Variants in LEPR observed in about 807,000 individuals in gnomAD.
LEPR encodes OB receptor.
In LEPR, 56 loss-of-function variants were observed where a neutral mutation model predicts 114.7. That is an observed-to-expected ratio of 0.49 (90% CI 0.39 to 0.61). The LOEUF (loss-of-function observed/expected upper bound fraction) is 0.61, where lower values mean the gene tolerates loss of function less well. LEPR is among the 20% of genes least tolerant of loss of function. LEPR has a pLI of 0.00. For missense variants in LEPR, 1,202 were observed against 1,352.9 expected (o/e 0.89, Z 1.75); for synonymous variants, 443 against 461.4 (o/e 0.96, Z 0.51).
At chr1:65,605,331 C>CATT in intron 11 of LEPR, 94 bp downstream of exon 11, 1 of 1,503,690 alleles carries the variant, frequency 6.7e-7, no homozygotes, top group Non-Finnish European at 9.2e-7. Context: ...TTTCTGATCA[C>CATT]ATTAGATTTT....
At chr1:65,569,991 C>T (rs758069294) in intron 3 of LEPR, among the ~76,000 whole-genome samples, 6 of 151,902 alleles carry the variant, frequency 3.9e-5, no homozygotes, top group Non-Finnish European at 7.4e-5. Context: ...AAGTGCTCAG[C>T]GAAAGCAGTG....
At chr1:65,426,854 T>C (rs1252021034) in intron 2 of LEPR, among the ~76,000 whole-genome samples, 2 of 152,168 alleles carry the variant, frequency 1.3e-5, no homozygotes, top group East Asian at 3.9e-4. Context: ...AAAAATTAGC[T>C]GGGCGTGGTG....
chr1:65,592,276 G>A (rs1215443382), intron 5 of LEPR, among the ~76,000 whole-genome samples: 1 of 133,062 alleles, frequency 7.5e-6, no homozygotes, highest in African/African-American at 2.7e-5. Flanking sequence ...TTGCCTGATG[G>A]ATTGCCTTTA....
chr1:65,556,254 G>A (rs1652808291), intron 2 of LEPR, among the ~76,000 whole-genome samples: 1 of 152,072 alleles, frequency 6.6e-6, no homozygotes, highest in South Asian at 2.1e-4. Flanking sequence ...CCAGAATTGT[G>A]AGCAATACAT....
chr1:65,626,084 C>T (rs756033449), intron 19 of LEPR: 12 of 1,590,092 alleles, frequency 7.5e-6, no homozygotes, highest in Non-Finnish European at 8.6e-7. Flanking sequence ...CAGCAAAATG[C>T]AGTTTAAACC....
intron 2 of LEPR, among the ~76,000 whole-genome samples, chr1:65,512,779 G>A (rs1389461333): frequency 6.6e-6 from 1 of 152,162 alleles, no homozygotes; most frequent in Non-Finnish European, 1.5e-5. Context: ...AGAAATGGGA[G>A]CCTGAATTCA....
chr1:65,450,806 T>G (rs1460069759), intron 2 of LEPR, among the ~76,000 whole-genome samples: 6 of 152,048 alleles, frequency 3.9e-5, no homozygotes, highest in Middle Eastern at 3.4e-3. Context: ...ATGGGATGGC[T>G]GGGTCAAATG....
intron 2 of LEPR, among the ~76,000 whole-genome samples, chr1:65,493,521 A>G (rs553981488): frequency 6.6e-6 from 1 of 151,970 alleles, no homozygotes; most frequent in Non-Finnish European, 1.5e-5. Context: ...CTTTATAGAT[A>G]TTTTTTTCAT....
intron 2 of LEPR, among the ~76,000 whole-genome samples, chr1:65,557,442 CAG>C (rs913401761): frequency 6.6e-6 from 1 of 152,098 alleles, no homozygotes; most frequent in African/African-American, 2.4e-5. Flanking sequence ...TTTATTTAGA[CAG>C]AGTCTCACTT....
Position 65,610,257 on chromosome 1 carries a change from T to C in LEPR, c.1956T>C (p.Asp652=), listed in dbSNP as rs1164204099. ...GPEFWRIING[D]TMKKEKNVTL... is the part of the protein sequence containing the mutation. ...AATTTTGGAGAATAATTAATGGAGA[T>C]ACTATGAAAAAGGAGAAAAATGTCA... Residue 652 remains aspartate, a synonymous_variant, in exon 14 of 20, where the codon GAT becomes GAC. Coordinates refer to ENST00000349533, the MANE Select transcript of LEPR (RefSeq NM_002303.6). 3 of 1,613,692 alleles carry C rather than the reference T, an allele frequency of 1.9e-6. No individual in the cohort carries two copies. The highest frequency in any genetic ancestry group is 2.2e-5 in the East Asian group (1 of 44,876).
chr1:65,592,258 T>A (rs1655747746), intron 5 of LEPR, among the ~76,000 whole-genome samples: 1 of 151,540 alleles, frequency 6.6e-6, no homozygotes, highest in African/African-American at 2.4e-5. Flanking sequence ...ATTTTTTTTT[T>A]TTTTTTTTTG....
intron 2 of LEPR, among the ~76,000 whole-genome samples, chr1:65,527,931 G>A (rs1650087975): frequency 6.6e-6 from 1 of 152,098 alleles, no homozygotes. Flanking sequence ...GAAACTGGAT[G>A]GATCCAACAG....
chr1:65,548,307 G>A (rs373120991), intron 2 of LEPR, among the ~76,000 whole-genome samples: 8 of 152,276 alleles, frequency 5.3e-5, no homozygotes, highest in Admixed American at 1.3e-4. Context: ...GGAGAGTTCT[G>A]TAGATGTCTA....
intron 17 of LEPR, among the ~76,000 whole-genome samples, chr1:65,620,872 C>A (rs1657838514): frequency 6.6e-6 from 1 of 152,168 alleles, no homozygotes; most frequent in Non-Finnish European, 1.5e-5. Context: ...GAAGACATAA[C>A]TGTACAAATA....
chr1:65,634,228 A>T (rs541224627), intron 19 of LEPR: 1 of 959,260 alleles, frequency 1.0e-6, no homozygotes, highest in Middle Eastern at 5.4e-4. Context: ...GTATATATGT[A>T]TATATGGATC....
chr1:65,507,782 G>A (rs1648832629), intron 2 of LEPR, among the ~76,000 whole-genome samples: 1 of 151,978 alleles, frequency 6.6e-6, no homozygotes, highest in Admixed American at 6.6e-5. Context: ...TTTCAAAATT[G>A]TTTTCAAAAT....
intron 3 of LEPR, among the ~76,000 whole-genome samples, chr1:65,565,844 C>G (rs1251782843): frequency 2.7e-5 from 2 of 75,074 alleles, no homozygotes; most frequent in Non-Finnish European, 6.2e-5. Context: ...CTCTCTCTCT[C>G]TCACACACAC....
Position 65,638,860 on chromosome 1 carries a change from T to G in LEPR, c.*1845T>G, listed in dbSNP as rs1658794337. ...CTATGCAAAGATAAATGGAGAAGCG[T>G]TTTTTTCATGGATAATTTTACATGG... On this transcript the variant is annotated 3_prime_UTR_variant, in exon 20 of 20. Coordinates refer to ENST00000349533, the MANE Select transcript of LEPR (RefSeq NM_002303.6). The G allele has an allele frequency of 6.6e-6, 1 of 152,136 alleles. No homozygotes were observed. Among genetic ancestry groups the G allele is most frequent in the African/African-American group, 2.4e-5 (1 of 41,422 alleles). The allele number at this position is 152,136 out of a possible 1,614,324, so 9.4% of individuals were successfully genotyped here. A position where few individuals can be genotyped will look rare whatever the true frequency, so the allele number is the denominator to read the frequency against.
At chr1:65,459,043 A>G (rs573956379) in intron 2 of LEPR, among the ~76,000 whole-genome samples, 1 of 152,354 alleles carries the variant, frequency 6.6e-6, no homozygotes, top group South Asian at 2.1e-4. Context: ...TGATGTAAAT[A>G]CACCTTTAGT....
Sources: gnomAD v4.1 joint callset for allele counts (sites outside exome capture counted in the v4.1 genomes callset) on GRCh38, gnomAD v4.1.1 for gene constraint, MANE v1.5 for transcripts, NCBI Gene and HGNC (gene_info 2026-07-23, HGNC 2026-07-21) for gene names.